The following CSNK1E variants were observed in gnomAD, a reference collection of about 807,000 sequenced individuals.
CSNK1E encodes the protein casein kinase I isoform epsilon.
CSNK1E carries 17 observed loss-of-function variants against 46.1 expected under a neutral mutation model. The observed-to-expected ratio is 0.37, with a 90% CI of 0.25 to 0.55. CSNK1E has a LOEUF of 0.55. Among genes scored for constraint, CSNK1E ranks in the 20% least tolerant of loss-of-function variants. The pLI, the probability that CSNK1E is intolerant of heterozygous loss-of-function variation, is 0.82. For synonymous variants in CSNK1E, 241 were observed against 242.6 expected (o/e 0.99, Z 0.06); for missense variants, 386 against 595.4 (o/e 0.65, Z 3.66).
In CSNK1E at chr22:38,298,971, G is replaced by A; in HGVS notation, c.737-37C>T. 2 of 1,612,658 alleles carry A rather than the reference G, an allele frequency of 1.2e-6. No homozygotes were observed. The highest frequency in any genetic ancestry group is 8.5e-7 in the Non-Finnish European group (1 of 1,178,930). ...TGCAGAGGATAGAGAAGGCCACTGT[G>A]AGGCCCACGCTCCCAGACCCCCTGC... On this transcript the variant is annotated intron_variant, in intron 6 of 10. Coordinates refer to ENST00000396832, the MANE Select transcript of CSNK1E (RefSeq NM_152221.3). The surrounding 1 kb of genome is among the most constrained non-coding windows in gnomAD (Gnocchi z 4.2).
intron 7 of CSNK1E, chr22:38,297,043 G>T: frequency 1.4e-6 from 1 of 731,006 alleles, no homozygotes; most frequent in Admixed American, 1.9e-5. Context: ...CAAAGTGCTG[G>T]GATTACAGGC....
chr22:38,293,400 G>A (rs922389779), intron 9 of CSNK1E, 81 bp from the exon 10 acceptor site: 21 of 893,972 alleles, frequency 2.3e-5, no homozygotes, highest in Non-Finnish European at 3.2e-5. Context: ...AGCCGCTGGC[G>A]ATAGAGATTT....
At chr22:38,306,013 G>A (rs1428913296) in intron 2 of CSNK1E, among the ~76,000 whole-genome samples, 3 of 152,190 alleles carry the variant, frequency 2.0e-5, no homozygotes, top group African/African-American at 4.8e-5. Context: ...TCCCTCCTGA[G>A]GGGGCTGATT....
intron 1 of CSNK1E, among the ~76,000 whole-genome samples, chr22:38,315,950 C>T (rs1417729803): frequency 1.3e-5 from 2 of 152,078 alleles, no homozygotes; most frequent in Non-Finnish European, 2.9e-5. Context: ...ACCCAGACCC[C>T]CAGTCGCTCC....
chr22:38,293,836 C>A (rs2092624954), intron 9 of CSNK1E: 1 of 518,216 alleles, frequency 1.9e-6, no homozygotes, highest in East Asian at 3.1e-5. Context: ...GCTGCCCACC[C>A]TGGCTGGGCC....
At chr22:38,307,191 TATAAAAATTAA>T (rs2092702175) in intron 2 of CSNK1E, among the ~76,000 whole-genome samples, 1 of 151,720 alleles carries the variant, frequency 6.6e-6, no homozygotes, top group East Asian at 1.9e-4. Flanking sequence ...AGGTAAATAA[TATAAAAATTAA>T]AAATACAGTA....
intron 2 of CSNK1E, among the ~76,000 whole-genome samples, chr22:38,313,544 C>T (rs907569285): frequency 1.3e-5 from 2 of 152,310 alleles, no homozygotes; most frequent in Admixed American, 6.5e-5. Flanking sequence ...ACAGGAAGCA[C>T]ATCCGGAGAG....
chr22:38,312,040 G>A (rs1312894353), intron 2 of CSNK1E, among the ~76,000 whole-genome samples: 1 of 152,146 alleles, frequency 6.6e-6, no homozygotes, highest in Admixed American at 6.5e-5. Flanking sequence ...CTGACCTCAA[G>A]TGATCTGCCC....
Position 38,300,172 on chromosome 22 carries a change from C to T in CSNK1E, c.566-107G>A, listed in dbSNP as rs141492244. ...ATGCACCAGGACCCTCCTGCCCCCA[C>T]GTCGGATGTTGCTCACTGCACGCAT... On this transcript the variant is annotated intron_variant, in intron 5 of 10. Transcript: ENST00000396832. The surrounding 1 kb of genome is among the most constrained non-coding windows in gnomAD (Gnocchi z 4.4). The T allele has an allele frequency of 8.1e-4, 858 of 1,055,186 alleles. 6 individuals are homozygous for T. In the African/African-American group the frequency reaches 0.01, roughly 12 times the overall value. 65.4% of individuals were successfully genotyped at this position (1,055,186 alleles called of 1,614,324 possible).
At chr22:38,299,085 C>G (rs2092657188) in intron 6 of CSNK1E, 151 bp from the exon 7 acceptor site, 1 of 824,306 alleles carries the variant, frequency 1.2e-6, no homozygotes, top group Non-Finnish European at 1.9e-6. Context: ...ATGGCCTTCC[C>G]TATCCTACTG....
Position 38,294,751 on chromosome 22 carries a change from T to A in CSNK1E, c.886-217A>T, listed in dbSNP as rs2092630948. 2.0e-5 allele frequency among the ~76,000 whole-genome samples: 3 copies of A among 150,818 alleles called. No homozygotes were observed. The highest frequency in any genetic ancestry group is 2.1e-4 in the South Asian group (1 of 4,736). ...CACCAGAGGAAGGAGAAAGCAGGAG[T>A]CTGGGGGCAGAGGGAGGTCAGTCTG... On this transcript the variant is annotated intron_variant, in intron 7 of 10. Transcript: ENST00000396832. The surrounding 1 kb of genome is among the most constrained non-coding windows in gnomAD (Gnocchi z 5.5).
chr22:38,312,696 C>T (rs1281623020), intron 2 of CSNK1E, among the ~76,000 whole-genome samples: 1 of 152,206 alleles, frequency 6.6e-6, no homozygotes, highest in Non-Finnish European at 1.5e-5. Flanking sequence ...TTACAAAATA[C>T]TTTCCCATCT....
intron 2 of CSNK1E, among the ~76,000 whole-genome samples, chr22:38,311,179 G>T (rs1239453991): frequency 6.6e-6 from 1 of 152,156 alleles, no homozygotes; most frequent in Non-Finnish European, 1.5e-5. Flanking sequence ...GCACACGTGG[G>T]TATTTTACAC....
At position 38,314,273 on chromosome 22, in the gene CSNK1E, T is replaced by C. The variant is rs1015139509; in HGVS notation, c.-12-104A>G. On this transcript the variant is annotated intron_variant, in intron 1 of 10. Coordinates refer to ENST00000396832, the MANE Select transcript of CSNK1E (RefSeq NM_152221.3). ...GCCACCAGGAACTCGAAAACCTGCA[T>C]TCTCGAAGACCACATTCTGCAGGTG... 4.4e-5 allele frequency: 36 copies of C among 812,480 alleles called. No homozygotes were observed. In the East Asian group the frequency reaches 9.4e-4, roughly 21 times the overall value. 50.3% of individuals were successfully genotyped at this position (812,480 alleles called of 1,614,324 possible). A position where few individuals can be genotyped will look rare whatever the true frequency, so the allele number is the denominator to read the frequency against.
intron 6 of CSNK1E, among the ~76,000 whole-genome samples, chr22:38,299,360 C>G (rs1472475878): frequency 6.6e-6 from 1 of 152,222 alleles, no homozygotes; most frequent in Admixed American, 6.5e-5. Context: ...CTCAAAAACA[C>G]TGGGGAGAGG....
chr22:38,311,698 C>T (rs1053084707), intron 2 of CSNK1E, among the ~76,000 whole-genome samples: 6 of 152,158 alleles, frequency 3.9e-5, no homozygotes, highest in African/African-American at 9.7e-5. Flanking sequence ...GATGAGAAGA[C>T]TGAGGCTCAG....
chr22:38,292,807 G>A (rs1158550878), intron 10 of CSNK1E: 1 of 183,352 alleles, frequency 5.5e-6, no homozygotes, highest in Non-Finnish European at 1.2e-5. Context: ...CTACTACAGA[G>A]GCATAAAAAG....
rs1413337449 is a variant in CSNK1E at position 38,294,528 on chromosome 22, C to A, written c.892G>T (p.Ala298Ser). 3 of 1,586,754 alleles carry A rather than the reference C, an allele frequency of 1.9e-6. No individual in the cohort carries two copies. Among genetic ancestry groups the A allele is most frequent in the Non-Finnish European group, 1.7e-6 (2 of 1,167,640 alleles). Residue 298 changes from alanine (A) to serine (S), a missense_variant, in exon 8 of 11, where the codon GCC becomes TCC. Transcript: ENST00000396832. The surrounding 1 kb of genome is among the most constrained non-coding windows in gnomAD (Gnocchi z 5.5). ...FDWNMLKFGA[A>S]RNPEDVDRER... is the part of the protein sequence containing the mutation. ...CGGTCCACATCCTCGGGATTCCGGG[C>A]TGCACCCTGCAGGGATGCAAGAAAA...
At chr22:38,292,714 G>A (rs997523393) in intron 10 of CSNK1E, 1 of 153,132 alleles carries the variant, frequency 6.5e-6, no homozygotes, top group Non-Finnish European at 1.5e-5. Flanking sequence ...CCAGAGTGGG[G>A]CGTTTCCATA....
Sources: gnomAD v4.1 joint callset for allele counts (sites outside exome capture counted in the v4.1 genomes callset) on GRCh38, gnomAD v4.1.1 for gene constraint, Gnocchi (gnomAD v3.1) non-coding constraint, MANE v1.5 for transcripts, NCBI Gene and HGNC (gene_info 2026-07-23, HGNC 2026-07-21) for gene names.